Variants in NFATC2 observed in about 807,000 individuals in gnomAD.
The protein encoded by NFATC2 is nuclear factor of activated T cells 2.
A neutral mutation model predicts 87.3 loss-of-function variants in NFATC2; 22 were observed. The ratio of observed to expected loss-of-function variants is 0.25; its 90% CI spans 0.18 to 0.36. The LOEUF (loss-of-function observed/expected upper bound fraction) is 0.36, where lower values mean the gene tolerates loss of function less well. Ranked by LOEUF, NFATC2 falls within the 10% of genes least tolerant of loss-of-function variation. The pLI is 1.00. For synonymous variants in NFATC2, 565 were observed against 542.2 expected, an observed-to-expected ratio of 1.04 and a Z score of -0.58; for missense variants, 1,149 against 1,259.1, an observed-to-expected ratio of 0.91 and a Z score of 1.32.
At chr20:51,392,255 C>T (rs4396773) in intron 10 of NFATC2, among the ~76,000 whole-genome samples, 65,071 of 152,062 alleles carry the variant, frequency 0.43, 13,913 homozygotes, top group African/African-American at 0.48. Context: ...TCAACATAAA[C>T]ATAGTTTCCA....
chr20:51,479,088 A>G (rs1303886430), intron 3 of NFATC2, among the ~76,000 whole-genome samples: 1 of 152,094 alleles, frequency 6.6e-6, no homozygotes, highest in Non-Finnish European at 1.5e-5. Context: ...ACACCACAAA[A>G]ATTGACAAAT....
At chr20:51,553,675 C>A (rs1480530418) in intron 1 of NFATC2, among the ~76,000 whole-genome samples, 111 of 104,756 alleles carry the variant, frequency 1.1e-3, no homozygotes, top group South Asian at 2.2e-3. Flanking sequence ...GACTCCATCT[C>A]AAAAAAAAAA....
chr20:51,505,579 C>T (rs1301727652), intron 3 of NFATC2, among the ~76,000 whole-genome samples: 2 of 151,916 alleles, frequency 1.3e-5, no homozygotes, highest in Admixed American at 1.3e-4. Flanking sequence ...CAGAATAGGC[C>T]CCCGCTAAGC....
At chr20:51,520,674 T>C (rs1192289524) in intron 2 of NFATC2, among the ~76,000 whole-genome samples, 1 of 151,840 alleles carries the variant, frequency 6.6e-6, no homozygotes, top group Non-Finnish European at 1.5e-5. Context: ...TTATTTTTAT[T>C]TTTTTGAGAC....
chr20:51,409,423 CAA>C (rs2146266447), intron 9 of NFATC2, among the ~76,000 whole-genome samples: 1 of 152,246 alleles, frequency 6.6e-6, no homozygotes, highest in African/African-American at 2.4e-5. Flanking sequence ...ACAGCTAAAG[CAA>C]AGACAATGAG....
At chr20:51,428,471 G>A (rs531908554) in intron 9 of NFATC2, among the ~76,000 whole-genome samples, 1 of 152,336 alleles carries the variant, frequency 6.6e-6, no homozygotes, top group South Asian at 2.1e-4. Flanking sequence ...AGCAGAAGGA[G>A]CGCCTTGGTG....
rs1555818358 is a variant in NFATC2 at position 51,540,663 on chromosome 20, T to TTTTTTTGTTTG, written c.130+1706_130+1707insCAAACAAAAAA. On this transcript the variant is annotated intron_variant, in intron 1 of 10. Transcript: ENST00000371564. Reference sequence around the variant, plus strand: ...AAAACTGAAGTTTTTTTTTTGTTTTTTTTTTTTTGAGAAAACAGATTCCAG... The same window carrying TTTTTTTGTTTG: ...AAAACTGAAGTTTTTTTTTTGTTTTTTTTTTTGTTTGTTTTTTTTGAGAAAACAGATTCCAG... 2.3e-4 allele frequency among the ~76,000 whole-genome samples: 31 copies of TTTTTTTGTTTG among 135,772 alleles called. No individual in the cohort carries two copies. In the East Asian group the frequency reaches 6.9e-3, roughly 30 times the overall value. The allele number at this position is 135,772 out of a possible 152,430, so 89.1% of individuals were successfully genotyped here.
At chr20:51,398,763 GAAAA>G in intron 9 of NFATC2, 33 bp from the exon 10 acceptor site, 1 of 1,248,994 alleles carries the variant, frequency 8.0e-7, no homozygotes, top group Non-Finnish European at 1.1e-6. Context: ...TTTTTGAGAA[GAAAA>G]AAAAAAATCA....
chr20:51,445,057 C>T (rs568361270), intron 6 of NFATC2, among the ~76,000 whole-genome samples: 4 of 152,274 alleles, frequency 2.6e-5, no homozygotes, highest in Admixed American at 2.6e-4. Flanking sequence ...ACCAAGTCCA[C>T]TGTTCATACA....
intron 8 of NFATC2, among the ~76,000 whole-genome samples, chr20:51,433,749 TCATG>T (rs1983123135): frequency 7.3e-6 from 1 of 137,850 alleles, no homozygotes. Flanking sequence ...GCGTGTGTGT[TCATG>T]CATGCATGTG....
At chr20:51,439,922 C>G (rs1984085429) in intron 6 of NFATC2, among the ~76,000 whole-genome samples, 1 of 152,158 alleles carries the variant, frequency 6.6e-6, no homozygotes, top group South Asian at 2.1e-4. Context: ...AATATGGTAA[C>G]AGACCTGAGC....
At chr20:51,415,383 G>A (rs1041381256) in intron 9 of NFATC2, among the ~76,000 whole-genome samples, 2 of 152,092 alleles carry the variant, frequency 1.3e-5, no homozygotes, top group African/African-American at 4.8e-5. Flanking sequence ...TATAGACAAG[G>A]CTGGAGTCAA....
rs116014077 is a variant in NFATC2 at position 51,437,609 on chromosome 20, G to C, written c.1850-1848C>G. Reference sequence around the variant, plus strand: ...ATGAAAAATTAATATAAAGTATTGTGATTGCTCTCTAGATGATCTTAACAA... The same window carrying C: ...ATGAAAAATTAATATAAAGTATTGTCATTGCTCTCTAGATGATCTTAACAA... On this transcript the variant is annotated intron_variant, in intron 6 of 10. Transcript: ENST00000371564. 5.7e-3 allele frequency among the ~76,000 whole-genome samples: 864 copies of C among 150,990 alleles called. 9 individuals carry two copies. The highest frequency in any genetic ancestry group is 0.02 in the African/African-American group (834 of 41,310).
At position 51,505,222 on chromosome 20, in the gene NFATC2, T is replaced by C. The variant is rs547639846; in HGVS notation, c.1332+11562A>G. 4.5e-4 allele frequency among the ~76,000 whole-genome samples: 68 copies of C among 151,664 alleles called. No homozygotes were observed. The East Asian group carries it at 8.5e-3, about 19-fold the overall frequency. ...TAGTAGAGACAGGGTTTCACTGTGT[T>C]AGCCAGGATGGTCTCACTCGATCTC... On this transcript the variant is annotated intron_variant, in intron 3 of 10. Coordinates refer to ENST00000371564, the MANE Select transcript of NFATC2 (RefSeq NM_012340.5).
chr20:51,493,265 A>G (rs2075928857), intron 3 of NFATC2, among the ~76,000 whole-genome samples: 1 of 152,134 alleles, frequency 6.6e-6, no homozygotes, highest in Non-Finnish European at 1.5e-5. Context: ...AGTTGCCAGG[A>G]CCCAATGAAT....
chr20:51,534,059 T>C (rs988026040), intron 1 of NFATC2, among the ~76,000 whole-genome samples: 1 of 152,228 alleles, frequency 6.6e-6, no homozygotes, highest in East Asian at 1.9e-4. Flanking sequence ...TTATGTCCAC[T>C]GTGCCGCAAG....
chr20:51,468,233 G>A (rs537422574), intron 5 of NFATC2, among the ~76,000 whole-genome samples: 57 of 152,314 alleles, frequency 3.7e-4, no homozygotes, highest in African/African-American at 1.3e-3. Flanking sequence ...TGTCTTGAGT[G>A]GTGGTTACGT....
At chr20:51,551,465 G>A (rs566384885) in intron 1 of NFATC2, among the ~76,000 whole-genome samples, 1 of 151,792 alleles carries the variant, frequency 6.6e-6, no homozygotes, top group African/African-American at 2.4e-5. Flanking sequence ...GTGCAGTGGC[G>A]AGAGCATGGC....
At chr20:51,539,506 C>G (rs892703941) in intron 1 of NFATC2, among the ~76,000 whole-genome samples, 18 of 152,120 alleles carry the variant, frequency 1.2e-4, no homozygotes, top group African/African-American at 4.3e-4. Context: ...TGGTTTGAGA[C>G]AGGGTTTCGC....
Sources: gnomAD v4.1 joint callset for allele counts (sites outside exome capture counted in the v4.1 genomes callset) on GRCh38, gnomAD v4.1.1 for gene constraint, MANE v1.5 for transcripts, NCBI Gene and HGNC (gene_info 2026-07-23, HGNC 2026-07-21) for gene names.